RTN4: variants seen among roughly 807,000 people sequenced by gnomAD.
The protein encoded by RTN4 is reticulon-4.
Under a neutral mutation model 90.4 loss-of-function variants are expected in RTN4, and 32 were observed. The observed-to-expected ratio is 0.35, with a 90% CI of 0.27 to 0.48. RTN4 has a LOEUF of 0.48. Among genes scored for constraint, RTN4 ranks in the 20% least tolerant of loss-of-function variants. The pLI, the probability that RTN4 is intolerant of heterozygous loss-of-function variation, is 0.99. For synonymous variants in RTN4, 629 were observed against 552.5 expected, an observed-to-expected ratio of 1.14 and a Z score of -1.94; for missense variants, 1,706 against 1,430.2, an observed-to-expected ratio of 1.19 and a Z score of -3.11.
At chr2:55,131,690 T>C in the RTN4 span, among the ~76,000 whole-genome samples, 130,112 of 151,840 alleles carry the variant, frequency 0.86, 55,851 homozygotes, top group African/African-American at 0.9. Flanking sequence ...TCGAGACCAG[T>C]CTGACCAACA....
At chr2:55,020,694 G>T (rs899052899) in intron 3 of RTN4, among the ~76,000 whole-genome samples, 2 of 152,038 alleles carry the variant, frequency 1.3e-5, no homozygotes, top group Non-Finnish European at 2.9e-5. Flanking sequence ...ACTGATTTCT[G>T]CCTACAAAAT....
chr2:55,079,255 A>T (rs1282437017), intron 2 of RTN4, among the ~76,000 whole-genome samples: 2 of 152,224 alleles, frequency 1.3e-5, no homozygotes, highest in Non-Finnish European at 2.9e-5. Flanking sequence ...GGAAGCAAAA[A>T]GTTATAACAG....
At chr2:55,053,686 CAAAAAAAAACAA>C (rs1668139181), upstream of RTN4, among the ~76,000 whole-genome samples, 6 of 87,652 alleles carry the variant, frequency 6.8e-5, no homozygotes, top group Admixed American at 6.9e-4. Context: ...AACTCCATCT[CAAAAAAAAACAA>C]AAAAAAAAAG....
the RTN4 span, among the ~76,000 whole-genome samples, chr2:55,128,107 A>C: frequency 1.3e-5 from 2 of 151,990 alleles, no homozygotes; most frequent in African/African-American, 4.8e-5. Context: ...GGGCCTCCCA[A>C]AGTGCTGGGA....
At chr2:55,022,929 A>ACACACACACACACACACACC in intron 3 of RTN4, among the ~76,000 whole-genome samples, 1 of 149,968 alleles carries the variant, frequency 6.7e-6, no homozygotes, top group African/African-American at 2.5e-5. Context: ...ACACACACAC[A>ACACACACACACACACACACC]CCCTGCTCTC....
At chr2:54,980,570 CA>C (rs1460173399) in intron 5 of RTN4, among the ~76,000 whole-genome samples, 1 of 152,164 alleles carries the variant, frequency 6.6e-6, no homozygotes, top group East Asian at 1.9e-4. Context: ...CTATACTGTG[CA>C]AACATCGAGG....
At position 55,049,851 on chromosome 2, in the gene RTN4, G is replaced by T. The variant is rs1573479014; in HGVS notation, c.450C>A (p.Ser150Arg). The stretch of plus-strand genomic sequence containing the variant: ...ACACGGGCTCTGCCTGGGGGCTCAC[G>T]CTGGCCGGGGGAGGAGGGGGAGGCC... ...PARPPPPPPA[S>R]VSPQAEPVWT... Residue 150 changes from serine to arginine, a missense_variant, in exon 1 of 9, where the codon AGC becomes AGA. By Grantham distance (110) the Ser-to-Arg change is moderately radical. Transcript: ENST00000337526. The T allele has an allele frequency of 7.6e-7, 1 of 1,311,060 alleles. No homozygotes were observed. The highest frequency in any genetic ancestry group is 3.1e-5 in the East Asian group (1 of 31,852). 81.2% of individuals were successfully genotyped at this position (1,311,060 alleles called of 1,614,324 possible).
intron 2 of RTN4, among the ~76,000 whole-genome samples, chr2:55,057,876 G>C (rs1179835165): frequency 6.6e-6 from 1 of 152,116 alleles, no homozygotes; most frequent in Admixed American, 6.5e-5. Flanking sequence ...CTAGCTACTT[G>C]GGAGGCTAAG....
chr2:55,066,524 G>A (rs1439327456), intron 2 of RTN4, among the ~76,000 whole-genome samples: 5 of 151,660 alleles, frequency 3.3e-5, no homozygotes, highest in Non-Finnish European at 7.4e-5. Flanking sequence ...GTGAAACCCT[G>A]TCTCTACTAA....
At chr2:55,099,885 T>C (rs951402277) in intron 1 of RTN4, among the ~76,000 whole-genome samples, 4 of 152,256 alleles carry the variant, frequency 2.6e-5, no homozygotes, top group Admixed American at 1.3e-4. Flanking sequence ...GTGTAAGCAT[T>C]GACTATTATT....
chr2:55,028,055 G>C (rs779705375), intron 2 of RTN4, 109 bp downstream of exon 2: 3 of 894,336 alleles, frequency 3.4e-6, no homozygotes, highest in Non-Finnish European at 4.8e-6. Flanking sequence ...AAACATTCTC[G>C]GAACCATGCT....
At chr2:55,016,733 C>T (rs907858298) in intron 3 of RTN4, among the ~76,000 whole-genome samples, 57 of 152,118 alleles carry the variant, frequency 3.7e-4, no homozygotes, top group African/African-American at 1.3e-3. Context: ...GTACAATGAG[C>T]GTGTATTGTA....
chr2:55,063,456 C>T (rs779404740), intron 2 of RTN4, among the ~76,000 whole-genome samples: 26 of 151,386 alleles, frequency 1.7e-4, no homozygotes, highest in Admixed American at 1.3e-3. Flanking sequence ...AACTTAATGA[C>T]ACCAGATGGT....
chr2:55,133,861 A>C, the RTN4 span, among the ~76,000 whole-genome samples: 1 of 152,184 alleles, frequency 6.6e-6, no homozygotes, highest in African/African-American at 2.4e-5. Flanking sequence ...AAACAGGAAG[A>C]GCGAGCCAAG....
At chr2:55,064,679 A>T (rs1668360382) in intron 2 of RTN4, among the ~76,000 whole-genome samples, 1 of 152,216 alleles carries the variant, frequency 6.6e-6, no homozygotes, top group Non-Finnish European at 1.5e-5. Flanking sequence ...TCATTAAAGA[A>T]TATGTTGGAT....
intron 1 of RTN4, among the ~76,000 whole-genome samples, chr2:55,039,226 A>G (rs1377548748): frequency 6.6e-6 from 1 of 152,220 alleles, no homozygotes; most frequent in Non-Finnish European, 1.5e-5. Context: ...GTCAAAATGT[A>G]AAACTGTTGA....
the RTN4 span, among the ~76,000 whole-genome samples, chr2:55,127,940 C>G: frequency 2.6e-5 from 4 of 151,508 alleles, no homozygotes; most frequent in African/African-American, 9.7e-5. Flanking sequence ...GACACAGGGT[C>G]TCCCTCTGTT....
At chr2:55,022,344 C>T (rs1483702087) in intron 3 of RTN4, among the ~76,000 whole-genome samples, 1 of 152,192 alleles carries the variant, frequency 6.6e-6, no homozygotes, top group Non-Finnish European at 1.5e-5. Flanking sequence ...TTGAAACCCC[C>T]ATTCCACTGT....
Position 55,025,817 on chromosome 2 carries a change from T to C in RTN4, c.2282A>G (p.Asp761Gly). The C allele has an allele frequency of 6.2e-7, 1 of 1,613,704 alleles. No individual in the cohort carries two copies. The highest frequency in any genetic ancestry group is 8.5e-7 in the Non-Finnish European group (1 of 1,179,802). Residue 761 changes from aspartate (D) to glycine (G), a missense_variant, in exon 3 of 9, where the codon GAT becomes GGT. By Grantham distance (94) the Asp-to-Gly change is moderately conservative (BLOSUM62 -1). Coordinates refer to ENST00000337526, the MANE Select transcript of RTN4 (RefSeq NM_020532.5). The part of the protein sequence containing the change: ...DSIPDVPQKQ[D>G]ETVMLVKESL... Reference sequence around the variant, plus strand: ...TTCTTTCACAAGCATCACAGTTTCATCTTGTTTTTGTGGAACGTCAGGTAT... The same window carrying C: ...TTCTTTCACAAGCATCACAGTTTCACCTTGTTTTTGTGGAACGTCAGGTAT...
Sources: gnomAD v4.1 joint callset for allele counts (sites outside exome capture counted in the v4.1 genomes callset) on GRCh38, gnomAD v4.1.1 for gene constraint, MANE v1.5 for transcripts, NCBI Gene and HGNC (gene_info 2026-07-23, HGNC 2026-07-21) for gene names.